The following KDM4C variants were observed in gnomAD, a reference collection of about 807,000 sequenced individuals.
The protein encoded by KDM4C is lysine-specific demethylase 4C.
KDM4C carries 81 observed loss-of-function variants against 129.3 expected under a neutral mutation model. The ratio of observed to expected loss-of-function variants is 0.63; its 90% CI spans 0.52 to 0.75. KDM4C has a LOEUF of 0.75. Among genes scored for constraint, KDM4C ranks in the 30% least tolerant of loss-of-function variants. The pLI, the probability that KDM4C is intolerant of heterozygous loss-of-function variation, is 0.00. For synonymous variants in KDM4C, 573 were observed against 456.1 expected, an observed-to-expected ratio of 1.26 and a Z score of -3.26; for missense variants, 1,457 against 1,304.0, an observed-to-expected ratio of 1.12 and a Z score of -1.81.
intron 15 of KDM4C, among the ~76,000 whole-genome samples, chr9:7,023,426 A>G (rs1454913599): frequency 6.6e-6 from 1 of 152,128 alleles, no homozygotes; most frequent in Non-Finnish European, 1.5e-5. Context: ...TTATTGGCAT[A>G]TAGTTGCTCC....
intron 17 of KDM4C, among the ~76,000 whole-genome samples, chr9:7,060,436 C>G (rs1467409278): frequency 1.4e-5 from 2 of 147,910 alleles, no homozygotes; most frequent in Non-Finnish European, 3.0e-5. Flanking sequence ...TCAGGGATGA[C>G]TTTTTAGCAG....
At chr9:6,740,297 G>A (rs992281807) in intron 1 of KDM4C, among the ~76,000 whole-genome samples, 1 of 151,748 alleles carries the variant, frequency 6.6e-6, no homozygotes, top group Non-Finnish European at 1.5e-5. Flanking sequence ...TCCGCCTCCC[G>A]GGTTCACGCC....
intron 1 of KDM4C, among the ~76,000 whole-genome samples, chr9:6,742,177 T>G (rs761763929): frequency 6.7e-6 from 1 of 149,384 alleles, no homozygotes; most frequent in Non-Finnish European, 1.5e-5. Flanking sequence ...TTCACCATGT[T>G]AGTCAGGCTG....
At chr9:6,954,368 T>C (rs1828703851) in intron 8 of KDM4C, among the ~76,000 whole-genome samples, 2 of 152,154 alleles carry the variant, frequency 1.3e-5, no homozygotes, top group Admixed American at 1.3e-4. Context: ...ATTATGTCTG[T>C]ATTTTCGTAG....
At chr9:6,871,335 C>G (rs889783814) in intron 5 of KDM4C, among the ~76,000 whole-genome samples, 2 of 152,122 alleles carry the variant, frequency 1.3e-5, no homozygotes, top group African/African-American at 2.4e-5. Context: ...AGGGCTATAT[C>G]TGTTTATGTT....
At position 7,013,098 on chromosome 9, in the gene KDM4C, G is replaced by T. The variant is rs543006756; in HGVS notation, c.1969-690G>T. Among the ~76,000 whole-genome samples, 3 of 152,006 alleles carry T rather than the reference G, an allele frequency of 2.0e-5. No individual in the cohort carries two copies. The East Asian group carries it at 5.8e-4, about 29-fold the overall frequency. On this transcript the variant is annotated intron_variant, in intron 13 of 21. Transcript: ENST00000381309. The stretch of plus-strand genomic sequence containing the variant: ...GATTCTTATTTCTATATTATAATCT[G>T]TATATTTCTCAATAATTAAAAAATT...
At chr9:7,143,615 T>C (rs1841965114) in intron 19 of KDM4C, among the ~76,000 whole-genome samples, 1 of 152,232 alleles carries the variant, frequency 6.6e-6, no homozygotes, top group South Asian at 2.1e-4. Context: ...ATCTACATAT[T>C]ATTTTCATTC....
chr9:6,967,100 A>AG (rs1831117201), intron 8 of KDM4C, among the ~76,000 whole-genome samples: 1 of 152,112 alleles, frequency 6.6e-6, no homozygotes, highest in South Asian at 2.1e-4. Flanking sequence ...AAGTGACTAA[A>AG]GCATCTCCCT....
chr9:7,112,141 G>A (rs1340074114), intron 18 of KDM4C, among the ~76,000 whole-genome samples: 1 of 152,120 alleles, frequency 6.6e-6, no homozygotes, highest in Non-Finnish European at 1.5e-5. Context: ...AAGTAGGGAA[G>A]ATTAAAAAGA....
intron 19 of KDM4C, among the ~76,000 whole-genome samples, chr9:7,133,069 G>GT (rs1473770905): frequency 6.6e-6 from 1 of 152,068 alleles, no homozygotes; most frequent in Non-Finnish European, 1.5e-5. Context: ...TGCAGCCAAT[G>GT]TTTTTTTCTC....
chr9:7,168,190 A>G (rs1399840252), intron 20 of KDM4C, among the ~76,000 whole-genome samples: 1 of 152,216 alleles, frequency 6.6e-6, no homozygotes, highest in Non-Finnish European at 1.5e-5. Context: ...CTCCGTCTCA[A>G]GAGAAAACCA....
In KDM4C at chr9:7,011,806, A is replaced by C; in HGVS notation, c.1895A>C (p.Gln632Pro). The C allele has an allele frequency of 6.2e-7, 1 of 1,614,186 alleles. No homozygotes were observed. The highest frequency in any genetic ancestry group is 8.5e-7 in the Non-Finnish European group (1 of 1,180,012). Reference protein sequence around the residue: ...QTKSPNFAAEQEYNATVARMK... With the variant: ...QTKSPNFAAEPEYNATVARMK... The stretch of plus-strand genomic sequence containing the variant: ...AAGTCCCCTAACTTCGCAGCTGAGC[A>C]AGAGTATAATGCAACAGTGGCCAGG... Residue 632 changes from glutamine (Q) to proline (P), a missense_variant, in exon 13 of 22, where the codon CAA becomes CCA. Transcript: ENST00000381309.
chr9:7,085,962 C>A (rs1195500359), intron 17 of KDM4C, among the ~76,000 whole-genome samples: 1 of 152,238 alleles, frequency 6.6e-6, no homozygotes, highest in Non-Finnish European at 1.5e-5. Context: ...TCGAGACCAG[C>A]CTGGCCAACA....
At chr9:6,789,066 C>T (rs1401539052) in intron 1 of KDM4C, among the ~76,000 whole-genome samples, 1 of 139,612 alleles carries the variant, frequency 7.2e-6, no homozygotes, top group African/African-American at 2.7e-5. Flanking sequence ...TTTTTTGAAA[C>T]AGGGTCCCAC....
At chr9:6,931,331 G>C (rs960511173) in intron 8 of KDM4C, among the ~76,000 whole-genome samples, 1 of 151,970 alleles carries the variant, frequency 6.6e-6, no homozygotes, top group Admixed American at 6.6e-5. Flanking sequence ...AAATAAACTT[G>C]CTAGAGTTAA....
rs557288609 is a variant in KDM4C, at chr9:6,891,174, A to G, written c.784-1921A>G. On this transcript the variant is annotated intron_variant, in intron 7 of 21. Coordinates refer to ENST00000381309, the MANE Select transcript of KDM4C (RefSeq NM_015061.6). ...GGATGGTCTAGGTTAGGGATGAGGG[A>G]GCGCTCTTGGGTGATGAAATAATAG... Among the ~76,000 whole-genome samples, 6 of 152,242 alleles carry G rather than the reference A, an allele frequency of 3.9e-5. No individual in the cohort carries two copies. In the East Asian group the frequency reaches 7.7e-4, roughly 20 times the overall value.
At chr9:7,004,767 C>A (rs971615692) in intron 12 of KDM4C, among the ~76,000 whole-genome samples, 1 of 152,106 alleles carries the variant, frequency 6.6e-6, no homozygotes, top group South Asian at 2.1e-4. Context: ...GATAACTTGG[C>A]GTCTGTCTAG....
At chr9:6,969,095 C>G (rs536919775) in intron 8 of KDM4C, among the ~76,000 whole-genome samples, 28 of 152,180 alleles carry the variant, frequency 1.8e-4, no homozygotes, top group African/African-American at 6.5e-4. Context: ...ATCACCACAC[C>G]TGGCTAATTT....
At position 6,993,886 on chromosome 9, in the gene KDM4C, C is replaced by G. The variant is rs1216446645; in HGVS notation, c.1786+3362C>G. Among the ~76,000 whole-genome samples, 8 of 152,182 alleles carry G rather than the reference C, an allele frequency of 5.3e-5. No individual in the cohort carries two copies. The South Asian group carries it at 1.7e-3, about 31-fold the overall frequency. The stretch of plus-strand genomic sequence containing the variant: ...TTTGTGTGGCTTTGAAACCAGTTGT[C>G]ATTCAATGCTGCCTGCTCTCTCTAG... On this transcript the variant is annotated intron_variant, in intron 12 of 21. Coordinates refer to ENST00000381309, the MANE Select transcript of KDM4C (RefSeq NM_015061.6).
Sources: gnomAD v4.1 joint callset for allele counts (sites outside exome capture counted in the v4.1 genomes callset) on GRCh38, gnomAD v4.1.1 for gene constraint, MANE v1.5 for transcripts, NCBI Gene and HGNC (gene_info 2026-07-23, HGNC 2026-07-21) for gene names.